The following ZNF569 variants were observed in gnomAD, a reference collection of about 807,000 sequenced individuals.
ZNF569 encodes DNA-binding protein.
Under a neutral mutation model 56.3 loss-of-function variants are expected in ZNF569, and 38 were observed. That is an observed-to-expected ratio of 0.68 (90% CI 0.52 to 0.88). The LOEUF is 0.88. Among genes scored for constraint, ZNF569 ranks in the 40% least tolerant of loss-of-function variants. The probability of loss-of-function intolerance (pLI) is 0.00; values close to 1 mark genes in which losing one functional copy is unlikely to be tolerated. For missense variants in ZNF569, 666 were observed against 809.2 expected (o/e 0.82, Z 2.15); for synonymous variants, 241 against 262.9 (o/e 0.92, Z 0.81).
At chr19:37,457,616 T>C (rs1167800666) in intron 2 of ZNF569, among the ~76,000 whole-genome samples, 4 of 145,382 alleles carry the variant, frequency 2.8e-5, no homozygotes, top group African/African-American at 1.0e-4. Flanking sequence ...ATGTTCTCAC[T>C]CATGGATGGG....
intron 2 of ZNF569, among the ~76,000 whole-genome samples, chr19:37,462,416 T>C (rs2044417847): frequency 6.7e-6 from 1 of 149,658 alleles, no homozygotes; most frequent in African/African-American, 2.5e-5. Context: ...TTCTTCCATT[T>C]AGAAAAAAAA....
In ZNF569 at chr19:37,451,664, A is replaced by AC. The variant is rs145365767; in HGVS notation, c.-43-6701dup. 7.1e-3 allele frequency among the ~76,000 whole-genome samples: 1,080 copies of AC among 152,176 alleles called. 15 individuals carry two copies. The highest frequency in any genetic ancestry group is 0.024 in the African/African-American group (1,006 of 41,514). On this transcript the variant is annotated intron_variant, in intron 2 of 5. Coordinates refer to ENST00000316950, the MANE Select transcript of ZNF569 (RefSeq NM_152484.3). Reference sequence around the variant, plus strand: ...ATCATTCTATCTTCCCAGTGGGTTGACCTATTATCATTATAAAATGTCCTT... The same window carrying AC: ...ATCATTCTATCTTCCCAGTGGGTTGACCCTATTATCATTATAAAATGTCCTT...
At chr19:37,418,101 A>AAATAATAATAAAAAT (rs2040965240) in intron 5 of ZNF569, among the ~76,000 whole-genome samples, 1 of 143,292 alleles carries the variant, frequency 7.0e-6, no homozygotes, top group African/African-American at 2.6e-5. Flanking sequence ...ACTCCATCTC[A>AAATAATAATAAAAAT]AATAATAATA....
chr19:37,426,447 AC>A (rs1226092955), intron 3 of ZNF569, 69 bp from the exon 4 acceptor site: 2 of 1,455,258 alleles, frequency 1.4e-6, no homozygotes, highest in African/African-American at 2.8e-5. Flanking sequence ...AATATATTGA[AC>A]CTTGTTCTGA....
upstream of ZNF569, chr19:37,467,949 A>G: frequency 1.3e-6 from 2 of 1,535,918 alleles, no homozygotes; most frequent in Non-Finnish European, 1.7e-6. Context: ...GTGTTATTGG[A>G]TTTCATGACC....
intron 3 of ZNF569, among the ~76,000 whole-genome samples, chr19:37,440,734 C>A (rs956801623): frequency 1.3e-5 from 2 of 152,106 alleles, no homozygotes; most frequent in Non-Finnish European, 2.9e-5. Flanking sequence ...TCCAATAAAG[C>A]ACTAAGCAGA....
chr19:37,413,681 T>C lies in ZNF569; in HGVS notation c.977A>G (p.Tyr326Cys). ...GGCTTTACCACATTCATTACATGCATAAGGTTTCTCCCCAGTATGAACTTT... is the reference window on the plus strand; with the variant it reads ...GGCTTTACCACATTCATTACATGCACAAGGTTTCTCCCCAGTATGAACTTT... Reference protein sequence around the residue: ...HQKVHTGEKPYACNECGKAFP... With the variant: ...HQKVHTGEKPCACNECGKAFP... Residue 326 changes from tyrosine (Y) to cysteine (C), a missense_variant, in exon 6 of 6, where the codon TAT becomes TGT. Physicochemically the swap from Tyr to Cys is radical, Grantham distance 194. Coordinates refer to ENST00000316950, the MANE Select transcript of ZNF569 (RefSeq NM_152484.3). 2 of 1,614,012 alleles carry C rather than the reference T, an allele frequency of 1.2e-6. No homozygotes were observed. Among genetic ancestry groups the C allele is most frequent in the South Asian group, 1.1e-5 (1 of 91,084 alleles).
chr19:37,461,260 G>A (rs1600354125), intron 2 of ZNF569, among the ~76,000 whole-genome samples: 1 of 151,836 alleles, frequency 6.6e-6, no homozygotes, highest in African/African-American at 2.4e-5. Flanking sequence ...TTCTAAAACC[G>A]GTATAGTGGT....
chr19:37,452,407 T>C (rs1206968958), intron 2 of ZNF569, among the ~76,000 whole-genome samples: 1 of 152,244 alleles, frequency 6.6e-6, no homozygotes, highest in African/African-American at 2.4e-5. Flanking sequence ...TTCATACTTT[T>C]CTATACTGTC....
At chr19:37,445,017 C>G in intron 2 of ZNF569, 53 bp from the exon 3 acceptor site, 2 of 1,402,920 alleles carry the variant, frequency 1.4e-6, no homozygotes, top group Non-Finnish European at 2.0e-6. Flanking sequence ...GTTTCAGAAA[C>G]ATGCACACAC....
At chr19:37,436,018 T>C (rs7254780) in intron 3 of ZNF569, among the ~76,000 whole-genome samples, 12,692 of 152,216 alleles carry the variant, frequency 0.083, 807 homozygotes, top group African/African-American at 0.18. Flanking sequence ...ATACAGACCA[T>C]TTCATCCAAT....
In ZNF569 at chr19:37,436,873, G is replaced by C. The variant is rs2041317365; in HGVS notation, c.15+8034C>G. 1.3e-5 allele frequency among the ~76,000 whole-genome samples: 2 copies of C among 151,998 alleles called. 1 individual carries two copies. The highest frequency in any genetic ancestry group is 4.1e-4 in the South Asian group (2 of 4,824). On this transcript the variant is annotated intron_variant, in intron 3 of 5. Transcript: ENST00000316950. ...AAGCTCAGAACCCAATGGCTTCACTGCTGAATTTTACTGAACAATTAAAGA... is the reference window on the plus strand; with the variant it reads ...AAGCTCAGAACCCAATGGCTTCACTCCTGAATTTTACTGAACAATTAAAGA...
intron 4 of ZNF569, 37 bp downstream of exon 4, chr19:37,426,215 T>C (rs773439041): frequency 1.9e-6 from 3 of 1,571,606 alleles, no homozygotes; most frequent in Non-Finnish European, 2.6e-6. Flanking sequence ...AGGTACTTTC[T>C]TTCCAGAGTT....
In ZNF569 at chr19:37,433,108, G is replaced by A. The variant is rs117521684; in HGVS notation, c.16-6730C>T. Among the ~76,000 whole-genome samples the A allele has an allele frequency of 6.3e-3, 956 of 151,954 alleles. 25 individuals carry two copies. Among genetic ancestry groups the A allele is most frequent in the East Asian group, 0.053 (273 of 5,150 alleles). ...TTTGTAGAGATGGTAGTCTCACTAC[G>A]TTGCCCAAGCTGGTCTCAAACTGGT... On this transcript the variant is annotated intron_variant, in intron 3 of 5. Transcript: ENST00000316950.
chr19:37,419,965 CTTTCTTTTTTTTT>C (rs2041003287), intron 5 of ZNF569, among the ~76,000 whole-genome samples: 1 of 109,468 alleles, frequency 9.1e-6, no homozygotes, highest in Admixed American at 9.9e-5. Context: ...TTTTTCTTTT[CTTTCTTTTTTTTT>C]TTTTTTTTTT....
At position 37,444,927 on chromosome 19, in the gene ZNF569, C is replaced by T. The variant is rs1600330404; in HGVS notation, c.-6G>A. 2 of 1,608,662 alleles carry T rather than the reference C, an allele frequency of 1.2e-6. No individual in the cohort carries two copies. Among genetic ancestry groups the T allele is most frequent in the Non-Finnish European group, 1.7e-6 (2 of 1,178,002 alleles). The stretch of plus-strand genomic sequence containing the variant: ...TTTACCTGGGACTCAGTCATTTCCT[C>T]TTCTTTCTGGGAAGGGATGGGGCCT... On this transcript the variant is annotated 5_prime_UTR_variant, in exon 3 of 6. Transcript: ENST00000316950.
upstream of ZNF569, chr19:37,468,084 T>TG (rs2041881081): frequency 1.5e-6 from 1 of 685,948 alleles, no homozygotes; most frequent in Non-Finnish European, 2.4e-6. Context: ...TTTTTTTTTT[T>TG]GTTTGTTTTG....
At chr19:37,462,785 C>T (rs1344047967) in intron 2 of ZNF569, among the ~76,000 whole-genome samples, 2 of 152,080 alleles carry the variant, frequency 1.3e-5, no homozygotes, top group Non-Finnish European at 2.9e-5. Context: ...TCTATCCTAC[C>T]CTCTAAGTGA....
chr19:37,427,394 C>A (rs1239428520), intron 3 of ZNF569, among the ~76,000 whole-genome samples: 1 of 151,996 alleles, frequency 6.6e-6, no homozygotes, highest in South Asian at 2.1e-4. Context: ...ATATAGAAAT[C>A]TAATGCACTC....
Sources: allele counts gnomAD v4.1 joint callset (sites outside exome capture counted in the v4.1 genomes callset), GRCh38; gene constraint gnomAD v4.1.1; transcripts MANE v1.5; gene names NCBI Gene and HGNC (gene_info 2026-07-23, HGNC 2026-07-21).